Variants in FMNL1 observed in about 807,000 individuals in gnomAD.
FMNL1 encodes formin-like protein 1.
In FMNL1, 43 loss-of-function variants were observed where a neutral mutation model predicts 121.3. That is an observed-to-expected ratio of 0.35 (90% CI 0.28 to 0.46). The LOEUF is 0.46. Among genes scored for constraint, FMNL1 ranks in the 20% least tolerant of loss-of-function variants. The probability of loss-of-function intolerance (pLI) is 1.00; values close to 1 mark genes in which losing one functional copy is unlikely to be tolerated. For synonymous variants in FMNL1, 613 were observed against 613.5 expected (o/e 1.00, Z 0.01); for missense variants, 1,191 against 1,482.4 (o/e 0.80, Z 3.23).
intron 3 of FMNL1, chr17:45,232,988 G>A: frequency 1.6e-6 from 1 of 636,284 alleles, no homozygotes; most frequent in Non-Finnish European, 2.9e-6. Flanking sequence ...TATACCTTGT[G>A]TGCCCATGTA....
chr17:45,244,470 G>A (rs533986888), intron 19 of FMNL1, among the ~76,000 whole-genome samples: 28 of 152,354 alleles, frequency 1.8e-4, no homozygotes, highest in African/African-American at 5.8e-4. Context: ...CTTTAGCGTT[G>A]CTCTGTGAGC....
chr17:45,240,427 C>A, intron 11 of FMNL1, 49 bp from the exon 12 acceptor site: 1 of 1,535,770 alleles, frequency 6.5e-7, no homozygotes. Context: ...AAAGACTCCC[C>A]CCCACACACA....
intron 7 of FMNL1, 127 bp downstream of exon 7, chr17:45,236,371 T>C: frequency 1.4e-6 from 1 of 736,786 alleles, no homozygotes; most frequent in Non-Finnish European, 2.2e-6. Context: ...AACTTGCGCA[T>C]CTGGGCTGTT....
intron 17 of FMNL1, 96 bp from the exon 18 acceptor site, chr17:45,243,695 T>A: frequency 8.4e-7 from 1 of 1,196,190 alleles, no homozygotes; most frequent in Non-Finnish European, 1.2e-6. Flanking sequence ...TAGAAAATAC[T>A]GAAATTCATT....
chr17:45,229,340 C>G (rs1427988252), intron 1 of FMNL1, among the ~76,000 whole-genome samples: 1 of 152,222 alleles, frequency 6.6e-6, no homozygotes, highest in Non-Finnish European at 1.5e-5. Flanking sequence ...GGGGTAAGGT[C>G]TGGCTGGAGC....
chr17:45,244,282 C>G (rs373377394), intron 19 of FMNL1, 38 bp downstream of exon 19: 2 of 1,589,332 alleles, frequency 1.3e-6, no homozygotes, highest in Non-Finnish European at 1.7e-6. Context: ...CTTGCCTGTT[C>G]TGGATAGTGT....
intron 16 of FMNL1, 70 bp downstream of exon 16, chr17:45,242,535 C>T (rs1348682791): frequency 1.3e-6 from 2 of 1,552,082 alleles, no homozygotes; most frequent in African/African-American, 1.4e-5. Context: ...TCAGGCTGGG[C>T]CCTGGGGGTA....
chr17:45,247,113 T>C lies in FMNL1; in HGVS notation c.*255T>C, dbSNP rs973497266. On this transcript the variant is annotated 3_prime_UTR_variant, in exon 27 of 27. Coordinates refer to ENST00000331495, the MANE Select transcript of FMNL1 (RefSeq NM_005892.4). ...CAAACGGGCTGGTGCATCCTCCTCT[T>C]GGCCACAGAGGGCAGCATCGCCCGC... 2.9e-5 allele frequency: 17 copies of C among 596,230 alleles called. No individual in the cohort carries two copies. The Admixed American group carries it at 4.8e-4, about 17-fold the overall frequency. The allele number at this position is 596,230 out of a possible 1,614,324, so 36.9% of individuals were successfully genotyped here.
chr17:45,241,710 G>C lies in FMNL1; in HGVS notation c.1585+76G>C. 9 of 1,439,148 alleles carry C rather than the reference G, an allele frequency of 6.3e-6. No individual in the cohort carries two copies. The highest frequency in any genetic ancestry group is 8.2e-6 in the Non-Finnish European group (9 of 1,100,650). The allele number at this position is 1,439,148 out of a possible 1,614,324, so 89.1% of individuals were successfully genotyped here. ...AGCCCAGGGGCATCTGTGGCGGGCA[G>C]AGTTGGGCGAGGGAGGTTTGGATTG... is the stretch of plus-strand genomic sequence containing the variant. On this transcript the variant is annotated intron_variant, in intron 14 of 26. Transcript: ENST00000331495. This position sits in a 1 kb window ranked among gnomAD's most constrained non-coding sequence, Gnocchi z 7.0.
intron 19 of FMNL1, 59 bp from the exon 20 acceptor site, chr17:45,244,760 T>C: frequency 6.5e-7 from 1 of 1,539,992 alleles, no homozygotes; most frequent in Admixed American, 1.9e-5. Flanking sequence ...TTGTGCAATA[T>C]GCTTAAGCGG....
rs762602013 is a variant in FMNL1 at position 45,237,138 on chromosome 17, G to A, written c.724-143G>A. On this transcript the variant is annotated intron_variant, in intron 7 of 26. Coordinates refer to ENST00000331495, the MANE Select transcript of FMNL1 (RefSeq NM_005892.4). This position sits in a 1 kb window ranked among gnomAD's most constrained non-coding sequence, Gnocchi z 4.4. The stretch of plus-strand genomic sequence containing the variant: ...ATCTTGAAAAAAAAAATAGAAACAA[G>A]GCCAGGTTTTGGTGGCCACAGAAGT... The A allele has an allele frequency of 8.9e-6, 6 of 675,624 alleles. No individual in the cohort carries two copies. The highest frequency in any genetic ancestry group is 1.5e-5 in the Non-Finnish European group (6 of 400,852). The allele number at this position is 675,624 out of a possible 1,614,324, so 41.9% of individuals were successfully genotyped here.
chr17:45,241,392 G>A lies in FMNL1; in HGVS notation c.1343G>A (p.Ser448Asn). 1.3e-6 allele frequency: 2 copies of A among 1,569,238 alleles called. No homozygotes were observed. Among genetic ancestry groups the A allele is most frequent in the South Asian group, 1.2e-5 (1 of 86,586 alleles). The change falls in exon 14 of 27, where the codon AGC becomes AAC. Residue 448 changes from serine to asparagine, a missense_variant. Physicochemically the swap from Ser to Asn is conservative, Grantham distance 46. Coordinates refer to ENST00000331495, the MANE Select transcript of FMNL1 (RefSeq NM_005892.4). The surrounding 1 kb of genome is among the most constrained non-coding windows in gnomAD (Gnocchi z 7.0). ...KELETLRERF[S>N]ESTAMGPSRR... is the part of the protein sequence containing the mutation. ...CCGTGGGGTTCGTAGGAGCGCTTCA[G>A]CGAATCGACCGCCATGGGGCCCTCC...
chr17:45,242,510 G>C lies in FMNL1; in HGVS notation c.2010+45G>C, dbSNP rs749810568. The C allele has an allele frequency of 1.9e-6, 3 of 1,596,532 alleles. No homozygotes were observed. The South Asian group carries it at 3.4e-5, about 18-fold the overall frequency. On this transcript the variant is annotated intron_variant, in intron 16 of 26. Transcript: ENST00000331495. ...TCCCCATGTGGGCACCGGAGGAAGA[G>C]GGGAGTTGCCTGGATCAGGCTGGGC... is the stretch of plus-strand genomic sequence containing the variant.
chr17:45,233,677 A>G lies in FMNL1; in HGVS notation c.431A>G (p.Asn144Ser), dbSNP rs1257260283. 31 of 1,613,996 alleles carry G rather than the reference A, an allele frequency of 1.9e-5. No individual in the cohort carries two copies. The highest frequency in any genetic ancestry group is 2.5e-5 in the Non-Finnish European group (30 of 1,179,964). ...GWVQEFLNEE[N>S]RGLDVLLEYL... is the part of the protein sequence containing the mutation. ...GTGCAGGAGTTCCTCAATGAAGAGA[A>G]CCGTGGCCTGGATGTGCTGCTCGAG... The change falls in exon 5 of 27, where the codon AAC becomes AGC. Residue 144 changes from asparagine (N) to serine (S), a missense_variant. Asn to Ser is a conservative substitution (Grantham distance 46). This residue lies in a region of FMNL1 where 253 missense variants were observed against 417.5 expected (regional missense o/e 0.61). Transcript: ENST00000331495. This position sits in a 1 kb window ranked among gnomAD's most constrained non-coding sequence, Gnocchi z 4.1.
intron 1 of FMNL1, among the ~76,000 whole-genome samples, chr17:45,229,711 C>T (rs955750395): frequency 1.1e-4 from 17 of 152,192 alleles, no homozygotes; most frequent in South Asian, 2.1e-4. Context: ...CTGGTTGATT[C>T]GGCAGCCCTG....
At chr17:45,224,851 C>G (rs778088837) in intron 1 of FMNL1, among the ~76,000 whole-genome samples, 1 of 152,230 alleles carries the variant, frequency 6.6e-6, no homozygotes, top group Non-Finnish European at 1.5e-5. Flanking sequence ...CCCAGCCCCA[C>G]GGGCCTGCTG....
In FMNL1 at chr17:45,241,025, G is replaced by C; in HGVS notation, c.1231-104G>C. On this transcript the variant is annotated intron_variant, in intron 12 of 26. Coordinates refer to ENST00000331495, the MANE Select transcript of FMNL1 (RefSeq NM_005892.4). This position sits in a 1 kb window ranked among gnomAD's most constrained non-coding sequence, Gnocchi z 7.0. Reference sequence around the variant, plus strand: ...TGGCACCTGGGCTGAGCGGATCTGGGAGCCTCCCCCAGTCTTCCAGGCAGG... The same window carrying C: ...TGGCACCTGGGCTGAGCGGATCTGGCAGCCTCCCCCAGTCTTCCAGGCAGG... The C allele has an allele frequency of 7.0e-7, 1 of 1,428,716 alleles. No homozygotes were observed. The highest frequency in any genetic ancestry group is 9.7e-7 in the Non-Finnish European group (1 of 1,031,050). 88.5% of individuals were successfully genotyped at this position (1,428,716 alleles called of 1,614,324 possible). A position where few individuals can be genotyped will look rare whatever the true frequency, so the allele number is the denominator to read the frequency against.
chr17:45,239,576 T>C (rs2043634502), intron 11 of FMNL1, among the ~76,000 whole-genome samples: 1 of 152,210 alleles, frequency 6.6e-6, no homozygotes, highest in Admixed American at 6.5e-5. Context: ...CCTTCTCTGC[T>C]TCCTTTGGGA....
In FMNL1 at chr17:45,246,906, G is replaced by A. The variant is rs764503002; in HGVS notation, c.*48G>A. On this transcript the variant is annotated 3_prime_UTR_variant, in exon 27 of 27. Coordinates refer to ENST00000331495, the MANE Select transcript of FMNL1 (RefSeq NM_005892.4). ...CCCTACATCCGCGCAGACACAGGCC[G>A]CCGCAGTGCCCGTCGGCGTCCCCCG... 6.6e-6 allele frequency: 5 copies of A among 757,314 alleles called. No homozygotes were observed. Among genetic ancestry groups the A allele is most frequent in the African/African-American group, 3.4e-5 (2 of 59,040 alleles). 46.9% of individuals were successfully genotyped at this position (757,314 alleles called of 1,614,324 possible).
Sources: gnomAD v4.1 joint callset for allele counts (sites outside exome capture counted in the v4.1 genomes callset) on GRCh38, gnomAD v4.1.1 for gene constraint, gnomAD v4.1.1 regional missense constraint, Gnocchi (gnomAD v3.1) non-coding constraint, MANE v1.5 for transcripts, NCBI Gene and HGNC (gene_info 2026-07-23, HGNC 2026-07-21) for gene names.